Variants in CD163 observed in about 807,000 individuals in gnomAD.
CD163 encodes scavenger receptor cysteine-rich type 1 protein M130.
CD163 carries 64 observed loss-of-function variants against 129.2 expected under a neutral mutation model. The ratio of observed to expected loss-of-function variants is 0.50; its 90% CI spans 0.41 to 0.61. The LOEUF (loss-of-function observed/expected upper bound fraction) is 0.61. Ranked by LOEUF, CD163 falls within the 20% of genes least tolerant of loss-of-function variation. CD163 has a pLI of 0.00. For synonymous variants in CD163, 446 were observed against 478.5 expected, an observed-to-expected ratio of 0.93 and a Z score of 0.89; for missense variants, 1,061 against 1,377.9, an observed-to-expected ratio of 0.77 and a Z score of 3.64.
In CD163 at chr12:7,482,924, A is replaced by T. The variant is rs1273365666; in HGVS notation, c.3127+42T>A. On this transcript the variant is annotated intron_variant, in intron 13 of 16. Coordinates refer to ENST00000432237, the MANE Select transcript of CD163 (RefSeq NM_203416.4). ...TTTCTAAACAAGAAAAATTCTATGTATGCAGATAATTGGTCTCATCATCAT... is the reference window on the plus strand; with the variant it reads ...TTTCTAAACAAGAAAAATTCTATGTTTGCAGATAATTGGTCTCATCATCAT... The T allele has an allele frequency of 3.1e-6, 5 of 1,602,754 alleles. No homozygotes were observed. In the East Asian group the frequency reaches 8.9e-5, roughly 29 times the overall value.
In CD163 at chr12:7,478,845, C is replaced by T. The variant is rs985348421; in HGVS notation, c.*31+1015G>A. 2.6e-5 allele frequency among the ~76,000 whole-genome samples: 4 copies of T among 151,796 alleles called. No homozygotes were observed. The East Asian group carries it at 5.8e-4, about 22-fold the overall frequency. Reference sequence around the variant, plus strand: ...ATATATAATATTTCTATAAAAAATACTTTTTCTACATTTCATTTCTAGATG... The same window carrying T: ...ATATATAATATTTCTATAAAAAATATTTTTTCTACATTTCATTTCTAGATG... On this transcript the variant is annotated intron_variant, in intron 16 of 16. Transcript: ENST00000432237.
Position 7,485,246 on chromosome 12 carries a change from G to A in CD163, c.2629C>T (p.Pro877Ser), listed in dbSNP as rs752449018. The A allele has an allele frequency of 1.9e-6, 3 of 1,614,138 alleles. No homozygotes were observed. Among genetic ancestry groups the A allele is most frequent in the Non-Finnish European group, 2.5e-6 (3 of 1,180,008 alleles). The change falls in exon 11 of 17, where the codon CCT becomes TCT. Residue 877 changes from proline to serine, a missense_variant. Physicochemically the swap from Pro to Ser is moderately conservative, Grantham distance 74. Transcript: ENST00000432237. This position sits in a 1 kb window ranked among gnomAD's most constrained non-coding sequence, Gnocchi z 4.5. ...LGCADKGKIN[P>S]ASLDKAMSIP... ...GACATGGCCTTGTCTAAAGATGCAGGGTTGATTTTCCCTTTGTCTGCACAG... is the reference window on the plus strand; with the variant it reads ...GACATGGCCTTGTCTAAAGATGCAGAGTTGATTTTCCCTTTGTCTGCACAG...
chr12:7,489,830 C>A (rs1217914614), intron 6 of CD163, among the ~76,000 whole-genome samples: 1 of 151,982 alleles, frequency 6.6e-6, no homozygotes, highest in Non-Finnish European at 1.5e-5. Context: ...TTCTTTAGTA[C>A]ACTTTAAAAT....
At chr12:7,493,025 A>G (rs1949346760) in intron 6 of CD163, among the ~76,000 whole-genome samples, 1 of 152,182 alleles carries the variant, frequency 6.6e-6, no homozygotes, top group Admixed American at 6.5e-5. Flanking sequence ...ATGCTCTTGG[A>G]CTATAGTTAC....
Position 7,487,560 on chromosome 12 carries a change from C to T in CD163, c.1849G>A (p.Ala617Thr). ...TTAAGCTGCTGGCAAAGAACATGGG[C>T]ATCTTCTATGTCCCAGTGAGAGTTA... ...LCNSHWDIEDAHVLCQQLKCG... is the reference protein window; with the variant it reads ...LCNSHWDIEDTHVLCQQLKCG... Residue 617 changes from alanine to threonine, a missense_variant, in exon 8 of 17, where the codon GCC becomes ACC. Physicochemically the swap from Ala to Thr is moderately conservative, Grantham distance 58. Coordinates refer to ENST00000432237, the MANE Select transcript of CD163 (RefSeq NM_203416.4). The surrounding 1 kb of genome is among the most constrained non-coding windows in gnomAD (Gnocchi z 5.1). 1 of 1,614,106 alleles carries T rather than the reference C, an allele frequency of 6.2e-7. No homozygotes were observed. The highest frequency in any genetic ancestry group is 8.5e-7 in the Non-Finnish European group (1 of 1,180,024).
intron 4 of CD163, 39 bp downstream of exon 4, chr12:7,498,829 C>T (rs760680922): frequency 3.3e-5 from 51 of 1,558,494 alleles, no homozygotes; most frequent in Non-Finnish European, 3.7e-5. Flanking sequence ...TTCTTTTGTC[C>T]TCTCCTGGAG....
intron 6 of CD163, 77 bp from the exon 7 acceptor site, chr12:7,488,164 G>A: frequency 7.0e-7 from 1 of 1,429,618 alleles, no homozygotes; most frequent in Non-Finnish European, 9.4e-7. Context: ...GAAGAAGGTG[G>A]TGTGGAGTGG....
Position 7,483,672 on chromosome 12 carries a change from T to C in CD163, c.2783A>G (p.Lys928Arg). Residue 928 changes from lysine to arginine, a missense_variant, in exon 12 of 17, where the codon AAG (lysine) becomes AGG (arginine). Coordinates refer to ENST00000432237, the MANE Select transcript of CD163 (RefSeq NM_203416.4). ...AGTGGGTCCTTCCTGAAGTCTTATC[T>C]TGTCTGAAAAATCAGAGACATGTAG... ...SEETWITCDNKIRLQEGPTSC... is the reference protein window; with the variant it reads ...SEETWITCDNRIRLQEGPTSC... 1 of 1,603,208 alleles carries C rather than the reference T, an allele frequency of 6.2e-7. No homozygotes were observed.
chr12:7,471,363 G>T lies in CD163; in HGVS notation c.*66C>A, dbSNP rs915865523. On this transcript the variant is annotated 3_prime_UTR_variant, in exon 17 of 17. Coordinates refer to ENST00000432237, the MANE Select transcript of CD163 (RefSeq NM_203416.4). Reference sequence around the variant, plus strand: ...AGGTGAATTTCTGCTCCATTCAATAGTCCAGGTCTTCATCAAGGTATCTTA... The same window carrying T: ...AGGTGAATTTCTGCTCCATTCAATATTCCAGGTCTTCATCAAGGTATCTTA... 1 of 152,144 alleles carries T rather than the reference G, an allele frequency of 6.6e-6. No homozygotes were observed. The highest frequency in any genetic ancestry group is 2.4e-5 in the African/African-American group (1 of 41,428). The allele number at this position is 152,144 out of a possible 1,614,324, so 9.4% of individuals were successfully genotyped here.
chr12:7,484,583 G>A (rs1360404312), intron 11 of CD163, among the ~76,000 whole-genome samples: 2 of 145,480 alleles, frequency 1.4e-5, no homozygotes, highest in Non-Finnish European at 3.0e-5. Flanking sequence ...AGGTTGCAGT[G>A]AGCCAAGATC....
chr12:7,471,691 T>C (rs1401593832), intron 16 of CD163, among the ~76,000 whole-genome samples: 3 of 152,054 alleles, frequency 2.0e-5, no homozygotes, highest in Admixed American at 2.0e-4. Context: ...CATTTCCAAC[T>C]GAGTCATTTC....
chr12:7,482,943 T>C, intron 13 of CD163, 23 bp downstream of exon 13: 2 of 1,611,668 alleles, frequency 1.2e-6, no homozygotes, highest in Non-Finnish European at 1.7e-6. Context: ...ATTGGTCTCA[T>C]CATCATAAAC....
Position 7,487,096 on chromosome 12 carries a change from G to A in CD163, c.2051-110C>T, listed in dbSNP as rs1407560980. On this transcript the variant is annotated intron_variant, in intron 8 of 16. Coordinates refer to ENST00000432237, the MANE Select transcript of CD163 (RefSeq NM_203416.4). The surrounding 1 kb of genome is among the most constrained non-coding windows in gnomAD (Gnocchi z 5.1). ...AACATAGCTTAGAGAGAGAGGGGAA[G>A]GTGGATGGTCAACAAGTTTGAAATA... The A allele has an allele frequency of 1.1e-6, 1 of 869,680 alleles. No individual in the cohort carries two copies. The highest frequency in any genetic ancestry group is 1.7e-5 in the African/African-American group (1 of 59,042). 53.9% of individuals were successfully genotyped at this position (869,680 alleles called of 1,614,324 possible). A position where few individuals can be genotyped will look rare whatever the true frequency, so the allele number is the denominator to read the frequency against.
rs139857718 is a variant in CD163, at chr12:7,501,433, C to G, written c.163G>C (p.Asp55His). 67 of 1,613,946 alleles carry G rather than the reference C, an allele frequency of 4.2e-5. No individual in the cohort carries two copies. The African/African-American group carries it at 8.3e-4, about 20-fold the overall frequency. ...CTCCCGCTACACTTGTTTTCACCATCCACTAGCCTCAGCTCCTTGTCTGTT... is the reference window on the plus strand; with the variant it reads ...CTCCCGCTACACTTGTTTTCACCATGCACTAGCCTCAGCTCCTTGTCTGTT... Reference protein sequence around the residue: ...GGTDKELRLVDGENKCSGRVE... With the variant: ...GGTDKELRLVHGENKCSGRVE... Residue 55 changes from aspartate (D) to histidine (H), a missense_variant, in exon 3 of 17, where the codon GAT becomes CAT. Transcript: ENST00000432237.
At chr12:7,501,969 T>C (rs1949496329) in intron 2 of CD163, among the ~76,000 whole-genome samples, 2 of 152,204 alleles carry the variant, frequency 1.3e-5, no homozygotes, top group South Asian at 4.1e-4. Flanking sequence ...AAAATTAAGA[T>C]GGAGATATTT....
intron 6 of CD163, among the ~76,000 whole-genome samples, chr12:7,488,579 G>C (rs909981278): frequency 6.6e-6 from 1 of 152,076 alleles, no homozygotes; most frequent in Non-Finnish European, 1.5e-5. Flanking sequence ...TGGTATACGT[G>C]ACCCTTCTTG....
intron 3 of CD163, among the ~76,000 whole-genome samples, chr12:7,499,914 A>C (rs1011209935): frequency 5.3e-5 from 8 of 152,176 alleles, no homozygotes; most frequent in African/African-American, 1.9e-4. Flanking sequence ...CATGTATTAT[A>C]TCATTGAATC....
intron 6 of CD163, among the ~76,000 whole-genome samples, chr12:7,492,549 A>G (rs1949340533): frequency 6.6e-6 from 1 of 152,200 alleles, no homozygotes; most frequent in Non-Finnish European, 1.5e-5. Flanking sequence ...TGCTTAAAAA[A>G]TGCAGAATTT....
At chr12:7,481,034 T>C in intron 15 of CD163, 127 bp downstream of exon 15, 15 of 1,424,176 alleles carry the variant, frequency 1.1e-5, no homozygotes, top group Non-Finnish European at 1.4e-5. Context: ...TTGTCCATTA[T>C]ATGCATCTAA....
Sources: allele counts gnomAD v4.1 joint callset (sites outside exome capture counted in the v4.1 genomes callset), GRCh38; gene constraint gnomAD v4.1.1; non-coding constraint Gnocchi (gnomAD v3.1); transcripts MANE v1.5; gene names NCBI Gene and HGNC (gene_info 2026-07-23, HGNC 2026-07-21).